CFAP54: variants seen among roughly 807,000 people sequenced by gnomAD.
CFAP54 encodes the protein cilia and flagella associated protein 54, also known as cilia- and flagella-associated protein 54.
Under a neutral mutation model 370.4 loss-of-function variants are expected in CFAP54, and 290 were observed. The observed-to-expected ratio is 0.78, with a 90% CI of 0.71 to 0.86. The LOEUF (loss-of-function observed/expected upper bound fraction) is 0.86, where lower values mean the gene tolerates loss of function less well. CFAP54 is among the 40% of genes least tolerant of loss of function. The probability of loss-of-function intolerance (pLI) is 0.00; values close to 1 mark genes in which losing one functional copy is unlikely to be tolerated. For missense variants in CFAP54, 3,399 were observed against 3,528.7 expected (o/e 0.96, Z 0.93); for synonymous variants, 1,206 against 1,236.5 (o/e 0.98, Z 0.52).
chr12:96,731,242 G>A (rs1957916091), intron 50 of CFAP54, among the ~76,000 whole-genome samples: 1 of 152,178 alleles, frequency 6.6e-6, no homozygotes, highest in Non-Finnish European at 1.5e-5. Flanking sequence ...TGCCCCTGGC[G>A]AGGCAGTAAA....
At chr12:96,641,473 G>A (rs1488563837) in intron 32 of CFAP54, among the ~76,000 whole-genome samples, 1 of 151,892 alleles carries the variant, frequency 6.6e-6, no homozygotes, top group Non-Finnish European at 1.5e-5. Flanking sequence ...CTTTTATGCT[G>A]TTGGTGGGAC....
chr12:96,554,688 A>G lies in CFAP54; in HGVS notation c.2296A>G (p.Ile766Val), dbSNP rs557356605. ...DHCYAKRTHH[I>V]DGDTYKPLAS... ...TGTTGGACCAAAGCGTACCCACCAT[A>G]TAGATGGAGATACTTACAAACCACT... The change falls in exon 17 of 68, where the codon ATA (isoleucine) becomes GTA (valine). Residue 766 changes from isoleucine (I) to valine (V), a missense_variant. This residue lies in a region of CFAP54 where 2,796 missense variants were observed against 2,869.7 expected (regional missense o/e 0.97). Coordinates refer to ENST00000524981, the MANE Select transcript of CFAP54 (RefSeq NM_001306084.2). The G allele has an allele frequency of 2.1e-5, 32 of 1,533,332 alleles. No homozygotes were observed. The highest frequency in any genetic ancestry group is 4.9e-5 in the East Asian group (2 of 40,834). 95.0% of individuals were successfully genotyped at this position (1,533,332 alleles called of 1,614,324 possible). A position where few individuals can be genotyped will look rare whatever the true frequency, so the allele number is the denominator to read the frequency against.
At chr12:96,824,195 C>T (rs757973841) in intron 65 of CFAP54, among the ~76,000 whole-genome samples, 7 of 152,118 alleles carry the variant, frequency 4.6e-5, no homozygotes, top group Admixed American at 1.3e-4. Flanking sequence ...CCCTGCCTTC[C>T]CCTTCTTCAT....
At chr12:96,626,505 T>G (rs1030675551) in intron 29 of CFAP54, among the ~76,000 whole-genome samples, 3 of 152,174 alleles carry the variant, frequency 2.0e-5, no homozygotes, top group Non-Finnish European at 4.4e-5. Flanking sequence ...TTAGGATTAC[T>G]AGTTATGATA....
At chr12:96,510,282 A>T (rs1044605682) in intron 4 of CFAP54, among the ~76,000 whole-genome samples, 5 of 151,846 alleles carry the variant, frequency 3.3e-5, no homozygotes, top group African/African-American at 1.2e-4. Context: ...GAACAAAGGA[A>T]ATAAACTTCC....
chr12:96,522,028 T>A (rs946946144), intron 7 of CFAP54, 58 bp downstream of exon 7: 2 of 1,523,122 alleles, frequency 1.3e-6, no homozygotes, highest in Non-Finnish European at 1.8e-6. Context: ...GATTAAATAC[T>A]TAGTAGTTGG....
At chr12:96,675,341 TC>T (rs1425410423) in intron 39 of CFAP54, among the ~76,000 whole-genome samples, 2 of 152,192 alleles carry the variant, frequency 1.3e-5, no homozygotes, top group Non-Finnish European at 2.9e-5. Flanking sequence ...GAAAAAATGC[TC>T]ATCATCACTG....
chr12:96,660,510 C>A (rs1169630604), intron 38 of CFAP54, among the ~76,000 whole-genome samples: 2 of 152,016 alleles, frequency 1.3e-5, no homozygotes, highest in African/African-American at 2.4e-5. Context: ...GTTGATATAT[C>A]TAACTGCCTA....
chr12:96,566,721 C>T (rs992738816), intron 19 of CFAP54, among the ~76,000 whole-genome samples: 4 of 152,096 alleles, frequency 2.6e-5, no homozygotes, highest in Middle Eastern at 3.2e-3. Context: ...ATTCAAGATT[C>T]CTGGTATGTA....
At chr12:96,584,319 C>G (rs141435192) in intron 22 of CFAP54, among the ~76,000 whole-genome samples, 6 of 152,142 alleles carry the variant, frequency 3.9e-5, no homozygotes, top group Admixed American at 2.0e-4. Flanking sequence ...CAAAAATTAG[C>G]CAGATGTGGT....
chr12:96,490,980 CT>C (rs71307527), intron 1 of CFAP54, among the ~76,000 whole-genome samples: 9 of 149,246 alleles, frequency 6.0e-5, no homozygotes, highest in African/African-American at 1.2e-4. Flanking sequence ...GCAATTTTAT[CT>C]TTTTTTTTTG....
intron 20 of CFAP54, 100 bp downstream of exon 20, chr12:96,576,861 C>G: frequency 1.0e-6 from 1 of 988,502 alleles, no homozygotes. Flanking sequence ...ACTGGATAGT[C>G]TTATTCATAA....
At chr12:96,634,426 C>T (rs1009374055) in intron 32 of CFAP54, among the ~76,000 whole-genome samples, 5 of 152,048 alleles carry the variant, frequency 3.3e-5, no homozygotes, top group African/African-American at 1.2e-4. Context: ...GTCTTTTGCT[C>T]ATTTTCTCAT....
chr12:96,510,101 A>G (rs1449684230), intron 4 of CFAP54, among the ~76,000 whole-genome samples: 1 of 151,592 alleles, frequency 6.6e-6, no homozygotes, highest in Non-Finnish European at 1.5e-5. Context: ...AAGAATACAA[A>G]AATTGGCCGG....
At chr12:96,534,755 C>T (rs1044492568) in intron 11 of CFAP54, among the ~76,000 whole-genome samples, 1 of 152,098 alleles carries the variant, frequency 6.6e-6, no homozygotes, top group Non-Finnish European at 1.5e-5. Context: ...TAATGTTTTG[C>T]CATGTTCTTA....
At chr12:96,587,982 A>C (rs1236496964) in intron 22 of CFAP54, among the ~76,000 whole-genome samples, 1 of 152,162 alleles carries the variant, frequency 6.6e-6, no homozygotes, top group Non-Finnish European at 1.5e-5. Context: ...AGGGATGGCA[A>C]CAGAGCTCAC....
intron 63 of CFAP54, among the ~76,000 whole-genome samples, chr12:96,803,522 G>T (rs137994042): frequency 6.6e-6 from 1 of 152,072 alleles, no homozygotes; most frequent in Non-Finnish European, 1.5e-5. Flanking sequence ...CACCAGTGGG[G>T]TCTGGAGGCG....
At chr12:96,782,599 G>A (rs1300915537) in intron 60 of CFAP54, among the ~76,000 whole-genome samples, 1 of 152,214 alleles carries the variant, frequency 6.6e-6, no homozygotes, top group East Asian at 1.9e-4. Context: ...CATTGAAAGA[G>A]ATAAGAAAAC....
chr12:96,674,315 A>C (rs1461619515), intron 39 of CFAP54, among the ~76,000 whole-genome samples: 1 of 148,870 alleles, frequency 6.7e-6, no homozygotes, highest in African/African-American at 2.5e-5. Flanking sequence ...AGAGTGGTAC[A>C]ATGAAAGACA....
Sources: gnomAD v4.1 joint callset for allele counts (sites outside exome capture counted in the v4.1 genomes callset) on GRCh38, gnomAD v4.1.1 for gene constraint, gnomAD v4.1.1 regional missense constraint, MANE v1.5 for transcripts, NCBI Gene and HGNC (gene_info 2026-07-23, HGNC 2026-07-21) for gene names.